Variants in CNTN6 observed in about 807,000 individuals in gnomAD.
CNTN6 encodes contactin-6.
In CNTN6, 137 loss-of-function variants were observed where a neutral mutation model predicts 122.8. The ratio of observed to expected loss-of-function variants is 1.12; its 90% CI spans 0.97 to 1.29. CNTN6 has a LOEUF of 1.29. Ranked by LOEUF, CNTN6 falls within the 50% of genes most tolerant of loss-of-function variation. CNTN6 has a pLI of 0.00. For missense variants in CNTN6, 1,634 were observed against 1,223.4 expected (o/e 1.34, Z -5.01); for synonymous variants, 570 against 426.0 (o/e 1.34, Z -4.16).
At chr3:1,093,184 G>T in intron 1 of CNTN6, 64 bp downstream of exon 1, 1 of 202,992 alleles carries the variant, frequency 4.9e-6, no homozygotes, top group Non-Finnish European at 1.0e-5. Flanking sequence ...TGGGCAAGCT[G>T]CAGCTTTTCT....
chr3:1,300,110 G>T (rs1241651601), intron 7 of CNTN6, among the ~76,000 whole-genome samples: 1 of 151,922 alleles, frequency 6.6e-6, no homozygotes, highest in South Asian at 2.1e-4. Context: ...CCAAGTAGCT[G>T]GGACTACAGG....
chr3:1,350,816 T>G (rs2126069789), intron 11 of CNTN6, among the ~76,000 whole-genome samples: 1 of 151,952 alleles, frequency 6.6e-6, no homozygotes. Flanking sequence ...TAGTTATTCC[T>G]AAATGTTAGG....
rs1352744521 is a variant in CNTN6, at chr3:1,401,524, G to A, written c.2796G>A (p.Glu932=). The stretch of plus-strand genomic sequence containing the variant: ...AGCATGTAAAAACCATGGAAAATGA[G>A]TCTGAAGTTTTGGGGTACAAGGTGA... ...NWEHVKTMEN[E]SEVLGYKILY... Residue 932 remains glutamate, a synonymous_variant, in exon 21 of 23, where the codon GAG becomes GAA. Coordinates refer to ENST00000446702, the MANE Select transcript of CNTN6 (RefSeq NM_001289080.2). The A allele has an allele frequency of 6.2e-7, 1 of 1,610,914 alleles. No homozygotes were observed. The highest frequency in any genetic ancestry group is 2.2e-5 in the East Asian group (1 of 44,748).
intron 20 of CNTN6, among the ~76,000 whole-genome samples, chr3:1,390,534 G>A (rs4459882): frequency 0.18 from 26,756 of 151,606 alleles, 2,456 homozygotes; most frequent in African/African-American, 0.21. Context: ...TTCAAAAGCT[G>A]GCAGAAAGAA....
intron 1 of CNTN6, among the ~76,000 whole-genome samples, chr3:1,139,046 A>G (rs1184699181): frequency 6.6e-6 from 1 of 152,148 alleles, no homozygotes; most frequent in East Asian, 1.9e-4. Context: ...CAGGGGTGGG[A>G]AAACTATGGC....
chr3:1,218,010 G>A (rs1440809570), intron 2 of CNTN6, among the ~76,000 whole-genome samples: 2 of 152,084 alleles, frequency 1.3e-5, no homozygotes, highest in East Asian at 1.9e-4. Flanking sequence ...CCATGAATTG[G>A]AGCTGAGTGA....
intron 4 of CNTN6, among the ~76,000 whole-genome samples, chr3:1,258,423 C>T (rs1230461100): frequency 2.6e-5 from 4 of 152,026 alleles, no homozygotes; most frequent in East Asian, 1.9e-4. Context: ...TTTCATTGAA[C>T]AGAAACTAAT....
At chr3:1,297,644 T>TC (rs975705020) in intron 6 of CNTN6, among the ~76,000 whole-genome samples, 2 of 144,924 alleles carry the variant, frequency 1.4e-5, no homozygotes, top group Non-Finnish European at 3.0e-5. Flanking sequence ...TTTTCTTTTT[T>TC]TTTTTTTTTA....
chr3:1,359,457 G>C (rs921236123), intron 12 of CNTN6, among the ~76,000 whole-genome samples: 2 of 151,822 alleles, frequency 1.3e-5, no homozygotes, highest in Non-Finnish European at 2.9e-5. Flanking sequence ...TTTAATCTGG[G>C]GTTCTCAGTA....
chr3:1,097,583 G>A (rs1218769921), intron 1 of CNTN6, among the ~76,000 whole-genome samples: 3 of 152,188 alleles, frequency 2.0e-5, no homozygotes, highest in Admixed American at 2.0e-4. Context: ...GCCCATTGTA[G>A]ATTTCCTTCC....
intron 2 of CNTN6, among the ~76,000 whole-genome samples, chr3:1,158,589 A>G (rs56030132): frequency 0.18 from 26,262 of 149,706 alleles, 2,793 homozygotes; most frequent in East Asian, 0.31. Flanking sequence ...TTTTTTTGGC[A>G]GCGGGCAGGA....
Position 1,372,698 on chromosome 3 carries a change from A to G in CNTN6, c.1669-140A>G, listed in dbSNP as rs556833469. 475 of 685,378 alleles carry G rather than the reference A, an allele frequency of 6.9e-4. 4 individuals carry two copies. Among genetic ancestry groups the G allele is most frequent in the South Asian group, 3.7e-3 (188 of 50,566 alleles). The allele number at this position is 685,378 out of a possible 1,614,324, so 42.5% of individuals were successfully genotyped here. A position where few individuals can be genotyped will look rare whatever the true frequency, so the allele number is the denominator to read the frequency against. On this transcript the variant is annotated intron_variant, in intron 13 of 22. Transcript: ENST00000446702. ...TAAGGGGGATAATAAAAGGGTTTAG[A>G]TACAAGAAATGACAATGATACTAGT...
At chr3:1,354,935 A>C (rs1054799567) in intron 12 of CNTN6, among the ~76,000 whole-genome samples, 1 of 151,512 alleles carries the variant, frequency 6.6e-6, no homozygotes, top group African/African-American at 2.4e-5. Context: ...ACAAGCCTGA[A>C]CCTACATCGA....
chr3:1,281,191 A>G (rs1417167858), intron 5 of CNTN6, among the ~76,000 whole-genome samples: 1 of 152,206 alleles, frequency 6.6e-6, no homozygotes, highest in African/African-American at 2.4e-5. Flanking sequence ...GTTGAAGGTC[A>G]TCTTGGGATT....
At chr3:1,174,252 A>T (rs2093410409) in intron 2 of CNTN6, among the ~76,000 whole-genome samples, 1 of 152,218 alleles carries the variant, frequency 6.6e-6, no homozygotes, top group African/African-American at 2.4e-5. Flanking sequence ...ATTTAGCTAC[A>T]GCCAGAGGTA....
intron 1 of CNTN6, among the ~76,000 whole-genome samples, chr3:1,136,375 A>C (rs1250361704): frequency 2.0e-5 from 3 of 152,126 alleles, no homozygotes; most frequent in Admixed American, 2.0e-4. Context: ...TGTTCTGTGA[A>C]GCGTTCACTG....
chr3:1,339,111 T>G (rs1395266726), intron 11 of CNTN6, among the ~76,000 whole-genome samples: 2 of 152,122 alleles, frequency 1.3e-5, no homozygotes, highest in Non-Finnish European at 2.9e-5. Context: ...TTTTCTTTTT[T>G]TCATAGTAGA....
intron 5 of CNTN6, among the ~76,000 whole-genome samples, chr3:1,289,651 C>CT (rs1266774924): frequency 2.7e-5 from 4 of 146,984 alleles, no homozygotes; most frequent in African/African-American, 1.0e-4. Flanking sequence ...TGAGTTTTAT[C>CT]TTTTGTTTTG....
intron 20 of CNTN6, among the ~76,000 whole-genome samples, chr3:1,397,167 A>G (rs1230426508): frequency 1.3e-5 from 2 of 152,218 alleles, no homozygotes; most frequent in Non-Finnish European, 2.9e-5. Flanking sequence ...AAACCAAGCA[A>G]GATCTTTGCC....
Sources: gnomAD v4.1 joint callset for allele counts (sites outside exome capture counted in the v4.1 genomes callset) on GRCh38, gnomAD v4.1.1 for gene constraint, MANE v1.5 for transcripts, NCBI Gene and HGNC (gene_info 2026-07-23, HGNC 2026-07-21) for gene names.